The following EOMES variants were observed in gnomAD, a reference collection of about 807,000 sequenced individuals.
EOMES encodes eomesodermin, also known as eomesodermin homolog.
Under a neutral mutation model 61.0 loss-of-function variants are expected in EOMES, and 18 were observed. That is an observed-to-expected ratio of 0.30 (90% CI 0.20 to 0.44). The LOEUF (loss-of-function observed/expected upper bound fraction) is 0.44. Among genes scored for constraint, EOMES ranks in the 20% least tolerant of loss-of-function variants. The probability of loss-of-function intolerance (pLI) is 1.00; values close to 1 mark genes in which losing one functional copy is unlikely to be tolerated. For synonymous variants in EOMES, 430 were observed against 394.0 expected (o/e 1.09, Z -1.08); for missense variants, 885 against 939.2 (o/e 0.94, Z 0.75).
chr3:27,720,349 A>C (rs528068869), intron 1 of EOMES, 24 bp from the exon 2 acceptor site: 3 of 1,612,178 alleles, frequency 1.9e-6, no homozygotes, highest in Non-Finnish European at 2.5e-6. Flanking sequence ...TAGAATCAGA[A>C]AAATCGATTT....
rs1435077141 is a variant in EOMES, at chr3:27,717,763, C to T, written c.1425G>A (p.Thr475=). 6.2e-7 allele frequency: 1 copy of T among 1,612,474 alleles called. No individual in the cohort carries two copies. Among genetic ancestry groups the T allele is most frequent in the Admixed American group, 1.7e-5 (1 of 59,916 alleles). The part of the protein sequence containing the change: ...SENDRLTPSP[T]DSPRSHQIVP... Reference sequence around the variant, plus strand: ...CAATCTGATGGGATCTAGGAGAATCCGTGGGAGATGGAGTTAACCTGTCAT... The same window carrying T: ...CAATCTGATGGGATCTAGGAGAATCTGTGGGAGATGGAGTTAACCTGTCAT... The change falls in exon 6 of 6, where the codon ACG becomes ACA. Residue 475 remains threonine, a synonymous_variant. Transcript: ENST00000449599. The surrounding 1 kb of genome is among the most constrained non-coding windows in gnomAD (Gnocchi z 4.5).
upstream of EOMES, chr3:27,722,613 AAGAAGGTGACTT>A (rs886802689): frequency 2.8e-5 from 32 of 1,146,898 alleles, no homozygotes; most frequent in African/African-American, 8.1e-5. Flanking sequence ...CACACGCTGG[AAGAAGGTGACTT>A]AGATCTTTGT....
In EOMES at chr3:27,721,275, C is replaced by T. The variant is rs1376769936; in HGVS notation, c.881+139G>A. 3 of 675,000 alleles carry T rather than the reference C, an allele frequency of 4.4e-6. No homozygotes were observed. The highest frequency in any genetic ancestry group is 3.6e-5 in the African/African-American group (2 of 55,208). The allele number at this position is 675,000 out of a possible 1,614,324, so 41.8% of individuals were successfully genotyped here. A position where few individuals can be genotyped will look rare whatever the true frequency, so the allele number is the denominator to read the frequency against. ...CACCGCATTGGAGATGCGGTGTCTA[C>T]GGAGATTTATTGCGCGCGGTGAAAC... On this transcript the variant is annotated intron_variant, in intron 1 of 5. Transcript: ENST00000449599. This position sits in a 1 kb window ranked among gnomAD's most constrained non-coding sequence, Gnocchi z 7.4.
rs758755019 is a variant in EOMES at position 27,717,462 on chromosome 3, T to C, written c.1726A>G (p.Thr576Ala). 6.2e-7 allele frequency: 1 copy of C among 1,614,198 alleles called. No individual in the cohort carries two copies. The highest frequency in any genetic ancestry group is 8.5e-7 in the Non-Finnish European group (1 of 1,180,040). ...PYGIKSLPLQ[T>A]SHALGYYPDP... ...GGGTAATACCCCAGGGCATGGGATG[T>C]CTGAAGGGGCAAGGATTTAATGCCA... The change falls in exon 6 of 6, where the codon ACA (threonine) becomes GCA (alanine). Residue 576 changes from threonine (T) to alanine (A), a missense_variant. Physicochemically the swap from Thr to Ala is moderately conservative, Grantham distance 58. Transcript: ENST00000449599. The surrounding 1 kb of genome is among the most constrained non-coding windows in gnomAD (Gnocchi z 4.5).
rs1408246099 is a variant in EOMES at position 27,722,021 on chromosome 3, C to G, written c.274G>C (p.Ala92Pro). 3 of 1,525,076 alleles carry G rather than the reference C, an allele frequency of 2.0e-6. No homozygotes were observed. Among genetic ancestry groups the G allele is most frequent in the South Asian group, 2.4e-5 (2 of 81,846 alleles). 94.5% of individuals were successfully genotyped at this position (1,525,076 alleles called of 1,614,324 possible). ...DTDAGDAFAS[A>P]AAVAKPGPPD... ...GGCCCCGGCTTGGCCACTGCCGCAG[C>G]GCTGGCAAATGCGTCCCCGGCGTCG... Residue 92 changes from alanine (A) to proline (P), a missense_variant, in exon 1 of 6, where the codon GCT (alanine) becomes CCT (proline). Around this residue, in one of 3 missense-constraint regions of EOMES, gnomAD observed 449 missense variants for 383.6 expected, o/e 1.17. Coordinates refer to ENST00000449599, the MANE Select transcript of EOMES (RefSeq NM_001278182.2).
In EOMES at chr3:27,721,401, A is replaced by G. The variant is rs895319423; in HGVS notation, c.881+13T>C. On this transcript the variant is annotated intron_variant, in intron 1 of 5. Coordinates refer to ENST00000449599, the MANE Select transcript of EOMES (RefSeq NM_001278182.2). The surrounding 1 kb of genome is among the most constrained non-coding windows in gnomAD (Gnocchi z 7.4). ...TATCCCCGAACCCAGGGGCCCCTCC[A>G]CGCTGCGCTCACCTGCCCTGTTTCG... is the stretch of plus-strand genomic sequence containing the variant. 5 of 1,603,822 alleles carry G rather than the reference A, an allele frequency of 3.1e-6. No homozygotes were observed. The highest frequency in any genetic ancestry group is 4.3e-6 in the Non-Finnish European group (5 of 1,175,576).
At position 27,721,946 on chromosome 3, in the gene EOMES, CGG is replaced by C; in HGVS notation, c.347_348del (p.Ser116CysfsTer65). The C allele has an allele frequency of 7.1e-7, 1 of 1,399,958 alleles. No homozygotes were observed. Among genetic ancestry groups the C allele is most frequent in the South Asian group, 1.8e-5 (1 of 56,040 alleles). 86.7% of individuals were successfully genotyped at this position (1,399,958 alleles called of 1,614,324 possible). On this transcript the variant is annotated frameshift_variant, in exon 1 of 6. Coordinates refer to ENST00000449599, the MANE Select transcript of EOMES (RefSeq NM_001278182.2). LOFTEE classifies it high-confidence loss of function. The surrounding 1 kb of genome is among the most constrained non-coding windows in gnomAD (Gnocchi z 7.4). ...GCGGCGGCGGCGGCGGCTGCAGCGG[CGG>C]AGGGCAGCTCCTCCTCCCCGCAGGG... is the stretch of plus-strand genomic sequence containing the variant. Reference protein sequence around the residue: ...GSPCGEEELPSAAAAAAAAAA... With the variant: ...GSPCGEEELPXAAAAAAAAAA...
In EOMES at chr3:27,721,521, C is replaced by T. The variant is rs755004540; in HGVS notation, c.774G>A (p.Leu258=). 2 of 1,611,446 alleles carry T rather than the reference C, an allele frequency of 1.2e-6. No individual in the cohort carries two copies. Among genetic ancestry groups the T allele is most frequent in the Non-Finnish European group, 1.7e-6 (2 of 1,179,006 alleles). ...CACGGAAGCCAGAACCTGGAACCCC[C>T]AGGCCCCCCAGTCCTCCGCAAGATC... ...AAGSCGGLGG[L]GVPGSGFRAH... Residue 258 remains leucine, a synonymous_variant, in exon 1 of 6, where the codon CTG becomes CTA. Coordinates refer to ENST00000449599, the MANE Select transcript of EOMES (RefSeq NM_001278182.2). The surrounding 1 kb of genome is among the most constrained non-coding windows in gnomAD (Gnocchi z 7.4).
rs530939637 is a variant in EOMES at position 27,716,376 on chromosome 3, C to CT, written c.*693dup. On this transcript the variant is annotated 3_prime_UTR_variant, in exon 6 of 6. Coordinates refer to ENST00000449599, the MANE Select transcript of EOMES (RefSeq NM_001278182.2). ...ACAACTGTACACTTTTAAATTCTCC[C>CT]TTTTTTTTTTTTTTTTTTTTGGTGA... 59,221 of 115,802 alleles carry CT rather than the reference C, an allele frequency of 0.51. 16,773 individuals carry two copies. The highest frequency in any genetic ancestry group is 0.8 in the East Asian group (3,115 of 3,894). 7.2% of individuals were successfully genotyped at this position (115,802 alleles called of 1,614,324 possible).
chr3:27,717,395 C>A lies in EOMES; in HGVS notation c.1793G>T (p.Gly598Val). 6.2e-7 allele frequency: 1 copy of A among 1,614,214 alleles called. No individual in the cohort carries two copies. The highest frequency in any genetic ancestry group is 8.5e-7 in the Non-Finnish European group (1 of 1,180,042). Reference sequence around the variant, plus strand: ...AGCTGCCATCTTCCTCTGGTAAGAACCTCGACCTCCCCACCCTGCCATTGC... The same window carrying A: ...AGCTGCCATCTTCCTCTGGTAAGAAACTCGACCTCCCCACCCTGCCATTGC... ...FPAMAGWGGR[G>V]SYQRKMAAGL... Residue 598 changes from glycine (G) to valine (V), a missense_variant, in exon 6 of 6, where the codon GGT (glycine) becomes GTT (valine). Physicochemically the swap from Gly to Val is moderately radical, Grantham distance 109. Coordinates refer to ENST00000449599, the MANE Select transcript of EOMES (RefSeq NM_001278182.2). This position sits in a 1 kb window ranked among gnomAD's most constrained non-coding sequence, Gnocchi z 4.5.
chr3:27,722,064 CGCGGGGGCCCCTGCGCTGGCGGCT>C lies in EOMES; in HGVS notation c.207_230del (p.Ala71_Ala78del). ...CGGCGTCGGTGTCACTAAGCATGGC[CGCGGGGGCCCCTGCGCTGGCGGCT>C]GCGGGCTCCCCGCTCACCGCCTCGC... On this transcript the variant is annotated inframe_deletion, in exon 1 of 6. Transcript: ENST00000449599. 6.5e-7 allele frequency: 1 copy of C among 1,545,846 alleles called. No homozygotes were observed. Among genetic ancestry groups the C allele is most frequent in the Middle Eastern group, 1.7e-4 (1 of 5,920 alleles).
In EOMES at chr3:27,716,135, G is replaced by C. The variant is rs2060567662; in HGVS notation, c.*935C>G. On this transcript the variant is annotated 3_prime_UTR_variant, in exon 6 of 6. Transcript: ENST00000449599. Reference sequence around the variant, plus strand: ...TTTTCCTTAAACACGGTTCAAGTTAGTACATAGTAGCTGAATACATTCTTA... The same window carrying C: ...TTTTCCTTAAACACGGTTCAAGTTACTACATAGTAGCTGAATACATTCTTA... 1 of 152,172 alleles carries C rather than the reference G, an allele frequency of 6.6e-6. No homozygotes were observed. The highest frequency in any genetic ancestry group is 1.5e-5 in the Non-Finnish European group (1 of 68,040). The allele number at this position is 152,172 out of a possible 1,614,324, so 9.4% of individuals were successfully genotyped here.
In EOMES at chr3:27,721,754, T is replaced by C. The variant is rs1217962578; in HGVS notation, c.541A>G (p.Asn181Asp). 3 of 1,490,930 alleles carry C rather than the reference T, an allele frequency of 2.0e-6. No individual in the cohort carries two copies. The highest frequency in any genetic ancestry group is 1.8e-6 in the Non-Finnish European group (2 of 1,132,048). The allele number at this position is 1,490,930 out of a possible 1,614,324, so 92.4% of individuals were successfully genotyped here. ...GAGCCGTAGGGGTAGCGCGCCCCGTTAGGAGCCGGGTACACAGGTCCGTGG... is the reference window on the plus strand; with the variant it reads ...GAGCCGTAGGGGTAGCGCGCCCCGTCAGGAGCCGGGTACACAGGTCCGTGG... Reference protein sequence around the residue: ...APHGPVYPAPNGARYPYGSML... With the variant: ...APHGPVYPAPDGARYPYGSML... Residue 181 changes from asparagine to aspartate, a missense_variant, in exon 1 of 6, where the codon AAC (asparagine) becomes GAC (aspartate). Around this residue, in one of 3 missense-constraint regions of EOMES, gnomAD observed 449 missense variants for 383.6 expected, o/e 1.17. Coordinates refer to ENST00000449599, the MANE Select transcript of EOMES (RefSeq NM_001278182.2). The surrounding 1 kb of genome is among the most constrained non-coding windows in gnomAD (Gnocchi z 7.4).
chr3:27,720,241 C>G lies in EOMES; in HGVS notation c.966G>C (p.Ala322=). ...CCTGGAAGCGCCAGTGGTTGGGGTC[C>G]GCCAGCACCACCTCTACGAACACAT... ...HYNVFVEVVL[A]DPNHWRFQGG... Residue 322 remains alanine, a synonymous_variant, in exon 2 of 6, where the codon GCG becomes GCC. Transcript: ENST00000449599. The G allele has an allele frequency of 6.2e-7, 1 of 1,613,134 alleles. No individual in the cohort carries two copies. The highest frequency in any genetic ancestry group is 8.5e-7 in the Non-Finnish European group (1 of 1,179,622).
At chr3:27,722,564 A>G, upstream of EOMES, 4 of 1,268,716 alleles carry the variant, frequency 3.2e-6, no homozygotes, top group Non-Finnish European at 4.0e-6. Flanking sequence ...CCTTCCTCGT[A>G]CCTCTTGCTC....
upstream of EOMES, chr3:27,722,524 T>TGGAA (rs923742359): frequency 1.9e-5 from 26 of 1,344,884 alleles, no homozygotes; most frequent in Non-Finnish European, 2.5e-5. Flanking sequence ...AAGCAGGAGG[T>TGGAA]GGAAACTAAC....
chr3:27,720,556 A>AAAAAAAAAAAAAAAAAAAAAAC (rs1559927657), intron 1 of EOMES, among the ~76,000 whole-genome samples: 1 of 101,746 alleles, frequency 9.8e-6, no homozygotes, highest in Non-Finnish European at 1.8e-5. Context: ...AAAAAAAAAA[A>AAAAAAAAAAAAAAAAAAAAAAC]AAAAAAAAAA....
Position 27,720,224 on chromosome 3 carries a change from C to T in EOMES, c.983G>A (p.Arg328His). 1 of 1,610,096 alleles carries T rather than the reference C, an allele frequency of 6.2e-7. No homozygotes were observed. The highest frequency in any genetic ancestry group is 8.5e-7 in the Non-Finnish European group (1 of 1,178,038). Residue 328 changes from arginine to histidine, a missense_variant, in exon 2 of 6, where the codon CGC (arginine) becomes CAC (histidine). This residue lies in a region of EOMES where 177 missense variants were observed against 273.3 expected (regional missense o/e 0.65). Coordinates refer to ENST00000449599, the MANE Select transcript of EOMES (RefSeq NM_001278182.2). ...GGTCACCCATTTGCCCCCCTGGAAG[C>T]GCCAGTGGTTGGGGTCCGCCAGCAC... ...EVVLADPNHW[R>H]FQGGKWVTCG...
chr3:27,720,396 G>A, intron 1 of EOMES, 71 bp from the exon 2 acceptor site: 8 of 1,344,158 alleles, frequency 6.0e-6, no homozygotes, highest in Admixed American at 1.7e-5. Flanking sequence ...AGGCCCCAGC[G>A]GGTTCCCCAG....
Sources: gnomAD v4.1 joint callset for allele counts (sites outside exome capture counted in the v4.1 genomes callset) on GRCh38, gnomAD v4.1.1 for gene constraint, gnomAD v4.1.1 regional missense constraint, Gnocchi (gnomAD v3.1) non-coding constraint, MANE v1.5 for transcripts, NCBI Gene and HGNC (gene_info 2026-07-23, HGNC 2026-07-21) for gene names.